The following EIF4G3 variants were observed in gnomAD, a reference collection of about 807,000 sequenced individuals.
EIF4G3 encodes eukaryotic translation initiation factor 4 gamma 3.
Under a neutral mutation model 186.4 loss-of-function variants are expected in EIF4G3, and 34 were observed. That is an observed-to-expected ratio of 0.18 (90% CI 0.14 to 0.24). The LOEUF (loss-of-function observed/expected upper bound fraction) is 0.24, where lower values mean the gene tolerates loss of function less well. Ranked by LOEUF, EIF4G3 falls within the 10% of genes least tolerant of loss-of-function variation. The pLI, the probability that EIF4G3 is intolerant of heterozygous loss-of-function variation, is 1.00. For missense variants in EIF4G3, 1,536 were observed against 1,948.5 expected (o/e 0.79, Z 3.99); for synonymous variants, 673 against 679.5 (o/e 0.99, Z 0.15).
At chr1:21,028,765 A>G (rs1239977459) in intron 4 of EIF4G3, among the ~76,000 whole-genome samples, 1 of 152,240 alleles carries the variant, frequency 6.6e-6, no homozygotes, top group Non-Finnish European at 1.5e-5. Flanking sequence ...CCAACCTAGT[A>G]CTGAAGTAAG....
chr1:21,010,829 A>G (rs12070677), intron 4 of EIF4G3, among the ~76,000 whole-genome samples: 65,808 of 152,084 alleles, frequency 0.43, 14,649 homozygotes, highest in Non-Finnish European at 0.47. Context: ...GGAGACAGTG[A>G]CAGAGACCTA....
chr1:20,962,201 T>C (rs2096584125), intron 12 of EIF4G3, among the ~76,000 whole-genome samples: 2 of 152,164 alleles, frequency 1.3e-5, no homozygotes, highest in Admixed American at 1.3e-4. Flanking sequence ...CCCACACAGT[T>C]GAAAATCTGT....
chr1:21,113,877 G>A (rs1558024802), intron 2 of EIF4G3, among the ~76,000 whole-genome samples: 1 of 152,126 alleles, frequency 6.6e-6, no homozygotes, highest in African/African-American at 2.4e-5. Context: ...TTAGCTGGAT[G>A]TGGTGGCACA....
At chr1:20,898,533 T>A (rs927833227) in intron 16 of EIF4G3, among the ~76,000 whole-genome samples, 1 of 152,178 alleles carries the variant, frequency 6.6e-6, no homozygotes, top group Non-Finnish European at 1.5e-5. Context: ...TGACATTTTT[T>A]ATTATATTAT....
chr1:21,045,816 A>G (rs902010929), intron 4 of EIF4G3, among the ~76,000 whole-genome samples: 4 of 152,140 alleles, frequency 2.6e-5, no homozygotes, highest in African/African-American at 7.2e-5. Flanking sequence ...ACAGAATGAA[A>G]CAAGGCAAAG....
intron 3 of EIF4G3, among the ~76,000 whole-genome samples, chr1:21,073,425 G>A (rs894371345): frequency 2.6e-5 from 4 of 152,198 alleles, no homozygotes; most frequent in Admixed American, 2.6e-4. Context: ...CTACTGGACA[G>A]CACGGTTCTG....
At chr1:20,836,994 C>T (rs897200251) in intron 30 of EIF4G3, among the ~76,000 whole-genome samples, 8 of 152,110 alleles carry the variant, frequency 5.3e-5, no homozygotes, top group Non-Finnish European at 1.2e-4. Flanking sequence ...GTTTTCTTTG[C>T]GGAGATATGT....
intron 4 of EIF4G3, among the ~76,000 whole-genome samples, chr1:21,039,854 T>C (rs2093461155): frequency 6.6e-6 from 1 of 152,176 alleles, no homozygotes; most frequent in African/African-American, 2.4e-5. Context: ...CAAAGGGCTT[T>C]GAATAGACAT....
At chr1:21,166,871 TC>T (rs2097864006) in intron 2 of EIF4G3, among the ~76,000 whole-genome samples, 1 of 151,992 alleles carries the variant, frequency 6.6e-6, no homozygotes, top group Admixed American at 6.6e-5. Flanking sequence ...AGCCTTAACC[TC>T]CTAGGCTCAA....
At chr1:20,879,282 C>T in intron 20 of EIF4G3, 41 bp downstream of exon 20, 1 of 1,498,708 alleles carries the variant, frequency 6.7e-7, no homozygotes, top group South Asian at 1.4e-5. Context: ...GAGAATATAC[C>T]TCTTGAAGAT....
At chr1:20,843,012 TA>T (rs570509652) in intron 29 of EIF4G3, among the ~76,000 whole-genome samples, 2 of 151,986 alleles carry the variant, frequency 1.3e-5, no homozygotes, top group African/African-American at 4.8e-5. Context: ...CCGGCTAATT[TA>T]AAAAAATTTT....
At chr1:21,123,480 G>A (rs545419627) in intron 2 of EIF4G3, among the ~76,000 whole-genome samples, 4 of 150,622 alleles carry the variant, frequency 2.7e-5, no homozygotes, top group South Asian at 2.1e-4. Context: ...ACGAGATATC[G>A]CTTGAACCTG....
chr1:20,911,511 T>C (rs979999201), intron 14 of EIF4G3, among the ~76,000 whole-genome samples: 6 of 132,284 alleles, frequency 4.5e-5, no homozygotes, highest in Non-Finnish European at 9.1e-5. Flanking sequence ...CAGGGAGCTA[T>C]GACCGTGCCA....
intron 7 of EIF4G3, among the ~76,000 whole-genome samples, chr1:20,984,699 C>G (rs978052449): frequency 6.6e-6 from 1 of 151,712 alleles, no homozygotes; most frequent in Non-Finnish European, 1.5e-5. Context: ...AAGTGATTCT[C>G]CTGCCTCAGC....
chr1:20,871,207 A>C (rs1161939885), intron 20 of EIF4G3, among the ~76,000 whole-genome samples: 1 of 152,232 alleles, frequency 6.6e-6, no homozygotes, highest in Non-Finnish European at 1.5e-5. Context: ...TGGAAAGAGA[A>C]AAATGGCTTA....
At chr1:20,864,995 G>GAA in intron 21 of EIF4G3, 121 bp downstream of exon 21, 1 of 1,105,718 alleles carries the variant, frequency 9.0e-7, no homozygotes, top group Non-Finnish European at 1.3e-6. Context: ...TTTCTACATG[G>GAA]AAAAAAAAAG....
rs547522171 is a variant in EIF4G3, at chr1:20,860,787, T to C, written c.3112-270A>G. 1.2e-4 allele frequency among the ~76,000 whole-genome samples: 19 copies of C among 152,304 alleles called. 1 individual carries two copies. Among genetic ancestry groups the C allele is most frequent in the African/African-American group, 4.6e-4 (19 of 41,566 alleles). On this transcript the variant is annotated intron_variant, in intron 23 of 36. Transcript: ENST00000602326. Reference sequence around the variant, plus strand: ...ACAGGGTGAAAGACTGGCCCAAATTTATTATTATATTTTTAAGCATGGCAT... The same window carrying C: ...ACAGGGTGAAAGACTGGCCCAAATTCATTATTATATTTTTAAGCATGGCAT...
chr1:20,875,244 A>G (rs1217020520), intron 20 of EIF4G3, among the ~76,000 whole-genome samples: 1 of 152,200 alleles, frequency 6.6e-6, no homozygotes, highest in African/African-American at 2.4e-5. Context: ...TCAGCTTTCC[A>G]AAGTGTTGAC....
chr1:20,955,239 T>G (rs1433396143), intron 12 of EIF4G3, among the ~76,000 whole-genome samples: 3 of 34,626 alleles, frequency 8.7e-5, no homozygotes, highest in African/African-American at 2.0e-4. Flanking sequence ...TATTTTTTAG[T>G]TTTTTTTTTT....
Sources: gnomAD v4.1 joint callset for allele counts (sites outside exome capture counted in the v4.1 genomes callset) on GRCh38, gnomAD v4.1.1 for gene constraint, MANE v1.5 for transcripts, NCBI Gene and HGNC (gene_info 2026-07-23, HGNC 2026-07-21) for gene names.